The following SEC24B variants were observed in gnomAD, a reference collection of about 807,000 sequenced individuals.
The protein encoded by SEC24B is protein transport protein Sec24B.
Under a neutral mutation model 142.8 loss-of-function variants are expected in SEC24B, and 45 were observed. The observed-to-expected ratio is 0.32, with a 90% CI of 0.25 to 0.40. SEC24B has a LOEUF of 0.40. Among genes scored for constraint, SEC24B ranks in the 10% least tolerant of loss-of-function variants. The pLI is 1.00. For missense variants in SEC24B, 1,409 were observed against 1,526.8 expected (o/e 0.92, Z 1.29); for synonymous variants, 574 against 568.2 (o/e 1.01, Z -0.15).
intron 4 of SEC24B, among the ~76,000 whole-genome samples, chr4:109,482,596 A>G (rs1349745333): frequency 6.6e-6 from 1 of 152,044 alleles, no homozygotes; most frequent in Non-Finnish European, 1.5e-5. Flanking sequence ...ACCTATACAC[A>G]TAAACTAAAG....
intron 3 of SEC24B, among the ~76,000 whole-genome samples, chr4:109,480,089 T>C (rs1327320456): frequency 3.3e-5 from 5 of 152,218 alleles, no homozygotes; most frequent in African/African-American, 1.2e-4. Context: ...TTTACCGATA[T>C]TAAAAGATGT....
intron 1 of SEC24B, among the ~76,000 whole-genome samples, chr4:109,435,826 C>G (rs962941613): frequency 3.9e-5 from 6 of 152,078 alleles, no homozygotes; most frequent in Non-Finnish European, 8.8e-5. Flanking sequence ...CCTGACTTGC[C>G]CTGTATTTGG....
At position 109,537,144 on chromosome 4, in the gene SEC24B, T is replaced by A. The variant is rs1036377517; in HGVS notation, c.3589-1349T>A. On this transcript the variant is annotated intron_variant, in intron 22 of 23. Coordinates refer to ENST00000265175, the MANE Select transcript of SEC24B (RefSeq NM_006323.5). The stretch of plus-strand genomic sequence containing the variant: ...TAAAAGAAGAATAAAGTAGAGGTCA[T>A]ATAAAACAATATTTAACCTCACTCA... Among the ~76,000 whole-genome samples the A allele has an allele frequency of 1.6e-4, 24 of 151,966 alleles. 3 individuals are homozygous for A. Among genetic ancestry groups the A allele is most frequent in the Admixed American group, 1.3e-3 (20 of 15,270 alleles).
chr4:109,509,038 G>C (rs966442404), intron 7 of SEC24B, among the ~76,000 whole-genome samples: 2 of 152,156 alleles, frequency 1.3e-5, no homozygotes, highest in African/African-American at 4.8e-5. Flanking sequence ...ATCAGAATAA[G>C]GAGTGCAGGT....
chr4:109,474,085 C>T (rs577713667), intron 3 of SEC24B, among the ~76,000 whole-genome samples: 1 of 152,254 alleles, frequency 6.6e-6, no homozygotes, highest in South Asian at 2.1e-4. Flanking sequence ...CAACAGAGAC[C>T]TTTCTGTCAA....
chr4:109,462,973 G>A lies in SEC24B; in HGVS notation c.206G>A (p.Gly69Glu), dbSNP rs761005614. The A allele has an allele frequency of 1.8e-5, 29 of 1,613,696 alleles. No individual in the cohort carries two copies. The Admixed American group carries it at 2.2e-4, about 12-fold the overall frequency. ...LHHQNYIAPS[G>E]HYSQGPGKMT... ...CATCAAAACTATATTGCTCCCTCAG[G>A]ACATTACTCTCAAGGACCTGGGAAA... is the stretch of plus-strand genomic sequence containing the variant. Residue 69 changes from glycine to glutamate, a missense_variant, in exon 2 of 24, where the codon GGA becomes GAA. Transcript: ENST00000265175.
chr4:109,455,982 A>T (rs1226656457), intron 1 of SEC24B, among the ~76,000 whole-genome samples: 2 of 152,230 alleles, frequency 1.3e-5, no homozygotes, highest in East Asian at 1.9e-4. Context: ...GATAAGTTAC[A>T]TCATAATATC....
In SEC24B at chr4:109,539,656, A is replaced by T. The variant is rs1725974500; in HGVS notation, c.3788A>T (p.Gln1263Leu). The T allele has an allele frequency of 6.2e-7, 1 of 1,609,282 alleles. No individual in the cohort carries two copies. The highest frequency in any genetic ancestry group is 1.7e-5 in the Admixed American group (1 of 59,996). Reference sequence around the variant, plus strand: ...TACTATGAATTTTTGCTTCATGTTCAGCAGCAGATTTGTAAGTGAAGTAGA... The same window carrying T: ...TACTATGAATTTTTGCTTCATGTTCTGCAGCAGATTTGTAAGTGAAGTAGA... ...FSYYEFLLHV[Q>L]QQICK The change falls in exon 24 of 24, where the codon CAG becomes CTG. Residue 1263 changes from glutamine to leucine, a missense_variant. Physicochemically the swap from Gln to Leu is moderately radical, Grantham distance 113. This residue lies in a region of SEC24B where 700 missense variants were observed against 853.3 expected (regional missense o/e 0.82). Transcript: ENST00000265175.
intron 6 of SEC24B, among the ~76,000 whole-genome samples, chr4:109,501,190 TATC>T (rs1317215046): frequency 1.3e-5 from 2 of 152,222 alleles, no homozygotes; most frequent in Non-Finnish European, 2.9e-5. Flanking sequence ...GATATACAAA[TATC>T]ATTGTGTGCA....
chr4:109,437,944 GT>G (rs1157468719), intron 1 of SEC24B, among the ~76,000 whole-genome samples: 4 of 152,110 alleles, frequency 2.6e-5, no homozygotes, highest in Non-Finnish European at 5.9e-5. Flanking sequence ...TTTAAGATTT[GT>G]TTTTCCAAAG....
chr4:109,478,159 G>A (rs1197769445), intron 3 of SEC24B, among the ~76,000 whole-genome samples: 1 of 152,018 alleles, frequency 6.6e-6, no homozygotes, highest in African/African-American at 2.4e-5. Context: ...GATGGCACAG[G>A]CCTGTAATCC....
intron 6 of SEC24B, among the ~76,000 whole-genome samples, chr4:109,499,687 A>T (rs1043774511): frequency 2.0e-5 from 3 of 152,194 alleles, no homozygotes; most frequent in African/African-American, 7.2e-5. Flanking sequence ...TGCATTACTC[A>T]TGTGTTTGTG....
At chr4:109,443,773 TA>T (rs760392379) in intron 1 of SEC24B, among the ~76,000 whole-genome samples, 20 of 152,114 alleles carry the variant, frequency 1.3e-4, no homozygotes, top group South Asian at 2.1e-4. Context: ...TTGGTTAAAG[TA>T]ATAGGGAATC....
At chr4:109,487,949 A>G (rs1425629836) in intron 4 of SEC24B, among the ~76,000 whole-genome samples, 4 of 152,238 alleles carry the variant, frequency 2.6e-5, no homozygotes, top group African/African-American at 9.6e-5. Flanking sequence ...GAAAGAAACT[A>G]AACATCTTAA....
At chr4:109,443,394 A>G (rs1729113799) in intron 1 of SEC24B, among the ~76,000 whole-genome samples, 1 of 152,138 alleles carries the variant, frequency 6.6e-6, no homozygotes, top group Non-Finnish European at 1.5e-5. Context: ...ATGCATATGT[A>G]ATCCTAACAG....
intron 10 of SEC24B, 145 bp downstream of exon 10, chr4:109,514,001 A>G (rs1737661714): frequency 1.7e-6 from 1 of 580,770 alleles, no homozygotes; most frequent in Non-Finnish European, 3.1e-6. Context: ...GTTTATATTT[A>G]ACAAAGAGAA....
At chr4:109,522,498 A>G (rs1723754298) in intron 14 of SEC24B, among the ~76,000 whole-genome samples, 1 of 152,208 alleles carries the variant, frequency 6.6e-6, no homozygotes, top group African/African-American at 2.4e-5. Flanking sequence ...AGGTTAAATA[A>G]CTATTTAATG....
intron 10 of SEC24B, among the ~76,000 whole-genome samples, chr4:109,515,093 T>TA (rs1737784743): frequency 6.6e-6 from 1 of 151,970 alleles, no homozygotes; most frequent in Non-Finnish European, 1.5e-5. Context: ...GTTAGCACAT[T>TA]TTTATTTATT....
chr4:109,522,216 A>G (rs1222493165), intron 14 of SEC24B, among the ~76,000 whole-genome samples: 2 of 151,186 alleles, frequency 1.3e-5, no homozygotes, highest in Non-Finnish European at 2.9e-5. Flanking sequence ...ACACCTGGCT[A>G]ATTTTTTTGT....
Sources: gnomAD v4.1 joint callset for allele counts (sites outside exome capture counted in the v4.1 genomes callset) on GRCh38, gnomAD v4.1.1 for gene constraint, gnomAD v4.1.1 regional missense constraint, MANE v1.5 for transcripts, NCBI Gene and HGNC (gene_info 2026-07-23, HGNC 2026-07-21) for gene names.